Variants in BLM observed in about 807,000 individuals in gnomAD.
BLM encodes the protein BLM RecQ like helicase.
In BLM, 95 loss-of-function variants were observed where a neutral mutation model predicts 135.3. The observed-to-expected ratio is 0.70, with a 90% CI of 0.59 to 0.83. BLM has a LOEUF of 0.83. Among genes scored for constraint, BLM ranks in the 40% least tolerant of loss-of-function variants. BLM has a pLI of 0.00. For synonymous variants in BLM, 520 were observed against 589.2 expected (o/e 0.88, Z 1.70); for missense variants, 1,518 against 1,663.9 (o/e 0.91, Z 1.53).
chr15:90,790,693 G>A lies in BLM; in HGVS notation c.2868G>A (p.Pro956=), dbSNP rs199861261. The change falls in exon 15 of 22, where the codon CCG becomes CCA. Residue 956 remains proline, a synonymous_variant. Coordinates refer to ENST00000355112, the MANE Select transcript of BLM (RefSeq NM_000057.4). ...TIAFGMGIDK[P]DVRFVIHASL... ...CATTTGGAATGGGGATTGACAAACC[G>A]GACGTGCGATTTGTGATTCATGCAT... 2.8e-5 allele frequency: 45 copies of A among 1,614,120 alleles called. No homozygotes were observed. The Admixed American group carries it at 3.0e-4, about 11-fold the overall frequency.
intron 10 of BLM, among the ~76,000 whole-genome samples, chr15:90,768,756 C>T (rs962507205): frequency 3.9e-5 from 6 of 152,142 alleles, no homozygotes; most frequent in African/African-American, 1.4e-4. Flanking sequence ...GACCGAGTTT[C>T]GGTATTGTTA....
In BLM at chr15:90,765,369, G is replaced by C; in HGVS notation, c.2148G>C (p.Leu716Phe). 1 of 1,613,726 alleles carries C rather than the reference G, an allele frequency of 6.2e-7. No individual in the cohort carries two copies. Among genetic ancestry groups the C allele is most frequent in the Non-Finnish European group, 8.5e-7 (1 of 1,179,724 alleles). The change falls in exon 9 of 22, where the codon TTG becomes TTC. Residue 716 changes from leucine to phenylalanine, a missense_variant. Leu to Phe is a conservative substitution (Grantham distance 22). Around this residue, in one of 5 missense-constraint regions of BLM, gnomAD observed 626 missense variants for 681.1 expected, o/e 0.92. Coordinates refer to ENST00000355112, the MANE Select transcript of BLM (RefSeq NM_000057.4). ...SPGVTVVISP[L>F]RSLIVDQVQK... is the part of the protein sequence containing the mutation. The stretch of plus-strand genomic sequence containing the variant: ...GGGTCACTGTTGTCATTTCTCCCTT[G>C]AGATCACTTATCGTAGATCAAGTCC...
At chr15:90,725,988 CTTTT>C (rs150837196) in intron 1 of BLM, among the ~76,000 whole-genome samples, 2 of 151,960 alleles carry the variant, frequency 1.3e-5, no homozygotes, top group South Asian at 2.1e-4. Context: ...TAGTCAATGA[CTTTT>C]TTTATTTTTA....
intron 17 of BLM, 116 bp from the exon 18 acceptor site, chr15:90,803,405 T>A: frequency 1.2e-6 from 1 of 868,076 alleles, no homozygotes; most frequent in Non-Finnish European, 1.9e-6. Flanking sequence ...TGTGCCGGGG[T>A]TTGTGATCTA....
rs770311534 is a variant in BLM, at chr15:90,803,601, A to T, written c.3439A>T (p.Lys1147Ter). 1.9e-6 allele frequency: 3 copies of T among 1,613,924 alleles called. No individual in the cohort carries two copies. The African/African-American group carries it at 4.0e-5, about 22-fold the overall frequency. ...YSRHNAERLF[K>*]KLILDKILDE... is the part of the protein sequence containing the mutation. ...ACGACACAATGCCGAAAGACTTTTT[A>T]AAAAGCTGATACTTGACAAGATTTT... is the stretch of plus-strand genomic sequence containing the variant. The change falls in exon 18 of 22, where the codon AAA becomes TAA. Residue 1147 changes from lysine to a stop codon, truncating the protein, a stop_gained. Coordinates refer to ENST00000355112, the MANE Select transcript of BLM (RefSeq NM_000057.4). LOFTEE classifies it high-confidence loss of function.
chr15:90,788,045 G>A (rs1189068636), intron 14 of BLM, among the ~76,000 whole-genome samples: 1 of 152,030 alleles, frequency 6.6e-6, no homozygotes, highest in East Asian at 1.9e-4. Flanking sequence ...GAATGACTCA[G>A]TCTCAGTGGA....
intron 1 of BLM, among the ~76,000 whole-genome samples, chr15:90,742,609 T>C (rs1359629824): frequency 1.3e-5 from 2 of 151,746 alleles, no homozygotes; most frequent in African/African-American, 4.8e-5. Flanking sequence ...TCTCTCTCTT[T>C]TTTTTTTAAA....
intron 2 of BLM, among the ~76,000 whole-genome samples, 190 bp from the exon 3 acceptor site, chr15:90,749,177 A>G (rs1895593170): frequency 6.6e-6 from 1 of 152,202 alleles, no homozygotes. Context: ...TAGCCTCTGA[A>G]TGGGAAGGAC....
At chr15:90,737,457 A>T (rs1197422810) in intron 1 of BLM, among the ~76,000 whole-genome samples, 1 of 152,202 alleles carries the variant, frequency 6.6e-6, no homozygotes, top group Non-Finnish European at 1.5e-5. Flanking sequence ...AAAATAAATG[A>T]AGGCTGTTTG....
chr15:90,747,537 C>A, intron 2 of BLM, 47 bp downstream of exon 2: 2 of 1,132,422 alleles, frequency 1.8e-6, no homozygotes, highest in Non-Finnish European at 2.6e-6. Flanking sequence ...TAACTTACCA[C>A]ATTGTACACA....
At chr15:90,739,469 C>T (rs534574709) in intron 1 of BLM, among the ~76,000 whole-genome samples, 26 of 152,150 alleles carry the variant, frequency 1.7e-4, no homozygotes, top group Middle Eastern at 6.8e-3. Context: ...CCAGCTACTC[C>T]GGAGGCAGAG....
chr15:90,791,330 G>A (rs1348544033), intron 15 of BLM, among the ~76,000 whole-genome samples: 1 of 151,990 alleles, frequency 6.6e-6, no homozygotes, highest in Non-Finnish European at 1.5e-5. Context: ...TTAGAGGCAG[G>A]CAAATATCTT....
Position 90,742,926 on chromosome 15 carries a change from G to A in BLM, c.-4-4463G>A, listed in dbSNP as rs28702530. On this transcript the variant is annotated intron_variant, in intron 1 of 21. Coordinates refer to ENST00000355112, the MANE Select transcript of BLM (RefSeq NM_000057.4). ...GCTAGTATTACAAGTGTGAGCCGCC[G>A]TGCCCAGCCTATTTGAAAAATTCTT... Among the ~76,000 whole-genome samples the A allele has an allele frequency of 6.5e-3, 982 of 151,478 alleles. 12 individuals carry two copies. The highest frequency in any genetic ancestry group is 0.022 in the African/African-American group (925 of 41,256).
intron 14 of BLM, among the ~76,000 whole-genome samples, chr15:90,787,206 C>T (rs113324048): frequency 0.19 from 25,923 of 137,860 alleles, 2,284 homozygotes; most frequent in African/African-American, 0.24. Flanking sequence ...CCCGCCACCA[C>T]GCCCGGCTAA....
In BLM at chr15:90,749,755, T is replaced by C; in HGVS notation, c.487T>C (p.Ser163Pro). The part of the protein sequence containing the change: ...DWDDMDDFDT[S>P]ETSKSFVTPP... ...GGATGATATGGATGACTTTGATACT[T>C]CTGAGACTTCAAAATCATTTGTTAC... Residue 163 changes from serine to proline, a missense_variant, in exon 3 of 22, where the codon TCT becomes CCT. Coordinates refer to ENST00000355112, the MANE Select transcript of BLM (RefSeq NM_000057.4). 6.2e-7 allele frequency: 1 copy of C among 1,613,648 alleles called. No homozygotes were observed.
chr15:90,803,454 C>T (rs2151194061), intron 17 of BLM, 67 bp from the exon 18 acceptor site: 7 of 1,463,150 alleles, frequency 4.8e-6, no homozygotes, highest in Non-Finnish European at 6.7e-6. Flanking sequence ...GACTTTTTAG[C>T]CTCTTCTATT....
chr15:90,765,099 T>TA (rs1330405525), intron 8 of BLM, among the ~76,000 whole-genome samples, 197 bp from the exon 9 acceptor site: 1 of 151,784 alleles, frequency 6.6e-6, no homozygotes, highest in Non-Finnish European at 1.5e-5. Flanking sequence ...AAAAAACACT[T>TA]TTTTTTTAAA....
chr15:90,788,789 A>T (rs1159574120), intron 14 of BLM, among the ~76,000 whole-genome samples: 1 of 151,978 alleles, frequency 6.6e-6, no homozygotes, highest in Non-Finnish European at 1.5e-5. Flanking sequence ...CCCAGGCAAC[A>T]TGGCGAAACC....
chr15:90,784,075 G>A (rs759160637), intron 13 of BLM, among the ~76,000 whole-genome samples: 1 of 151,630 alleles, frequency 6.6e-6, no homozygotes, highest in Non-Finnish European at 1.5e-5. Flanking sequence ...ATTTTCCCAT[G>A]TCTTTTAAAA....
Sources: gnomAD v4.1 joint callset for allele counts (sites outside exome capture counted in the v4.1 genomes callset) on GRCh38, gnomAD v4.1.1 for gene constraint, gnomAD v4.1.1 regional missense constraint, MANE v1.5 for transcripts, NCBI Gene and HGNC (gene_info 2026-07-23, HGNC 2026-07-21) for gene names.